TVP23C: variants seen among roughly 807,000 people sequenced by gnomAD.
The protein encoded by TVP23C is trans-golgi network vesicle protein 23 homolog C.
In TVP23C, 19 loss-of-function variants were observed where a neutral mutation model predicts 28.7. The ratio of observed to expected loss-of-function variants is 0.66; its 90% CI spans 0.46 to 0.97. The LOEUF is 0.97. Ranked by LOEUF, TVP23C falls within the 50% of genes least tolerant of loss-of-function variation. TVP23C has a pLI of 0.00. For missense variants in TVP23C, 186 were observed against 241.3 expected (o/e 0.77, Z 1.52); for synonymous variants, 68 against 81.7 (o/e 0.83, Z 0.90).
At chr17:15,559,729 T>G (rs2109103) in intron 1 of TVP23C, among the ~76,000 whole-genome samples, 12 of 144,570 alleles carry the variant, frequency 8.3e-5, no homozygotes, top group Admixed American at 3.6e-4. Flanking sequence ...CATTTTAAGG[T>G]AGAGCTGACA....
chr17:15,533,793 G>C (rs1983041000), downstream of TVP23C, among the ~76,000 whole-genome samples: 1 of 152,156 alleles, frequency 6.6e-6, no homozygotes, highest in Non-Finnish European at 1.5e-5. Context: ...TGGATTAAGT[G>C]CTTTCAGAAA....
chr17:15,551,234 G>C (rs973810490), intron 3 of TVP23C, among the ~76,000 whole-genome samples: 1 of 151,284 alleles, frequency 6.6e-6, no homozygotes, highest in African/African-American at 2.4e-5. Context: ...GAATAGCTGG[G>C]ACTACAGGCG....
chr17:15,530,067 G>A (rs1982890987), intron 5 of TVP23C, among the ~76,000 whole-genome samples: 1 of 152,126 alleles, frequency 6.6e-6, no homozygotes, highest in Non-Finnish European at 1.5e-5. Context: ...CCAAAGTGCT[G>A]GGATTACAGG....
At chr17:15,517,171 C>G (rs549192697) in intron 5 of TVP23C, among the ~76,000 whole-genome samples, 36 of 152,284 alleles carry the variant, frequency 2.4e-4, no homozygotes, top group African/African-American at 4.1e-4. Flanking sequence ...GGCTGTCTAC[C>G]CTTTCCGCCT....
chr17:15,563,233 G>C (rs924670116), intron 1 of TVP23C: 59 of 934,978 alleles, frequency 6.3e-5, no homozygotes, highest in Admixed American at 2.7e-4. Context: ...CTTGCTCTGC[G>C]CCGCACGGGT....
chr17:15,548,100 ATTTT>A (rs937389768), intron 3 of TVP23C, among the ~76,000 whole-genome samples: 2 of 151,664 alleles, frequency 1.3e-5, no homozygotes, highest in Non-Finnish European at 2.9e-5. Context: ...AATCACAGGC[ATTTT>A]TTTATTTTGT....
chr17:15,544,642 C>T (rs927970611), intron 5 of TVP23C, among the ~76,000 whole-genome samples: 7 of 151,926 alleles, frequency 4.6e-5, no homozygotes, highest in African/African-American at 1.5e-4. Flanking sequence ...ACCATATTAG[C>T]GTAAAGTTTC....
chr17:15,549,287 T>A (rs1284662411), intron 3 of TVP23C, among the ~76,000 whole-genome samples: 1 of 152,132 alleles, frequency 6.6e-6, no homozygotes, highest in Non-Finnish European at 1.5e-5. Context: ...GGTCATTAAT[T>A]GGATATGGAG....
intron 4 of TVP23C, among the ~76,000 whole-genome samples, 169 bp downstream of exon 4, chr17:15,546,890 C>G (rs974270624): frequency 2.6e-5 from 4 of 151,820 alleles, no homozygotes; most frequent in African/African-American, 9.7e-5. Context: ...CTGGTCTGAA[C>G]TAGACAGAAA....
At chr17:15,553,635 C>T (rs1597545600) in intron 3 of TVP23C, 50 bp downstream of exon 3, 35 of 1,540,518 alleles carry the variant, frequency 2.3e-5, no homozygotes, top group Non-Finnish European at 2.9e-5. Context: ...TATTTTTATA[C>T]ATCATTTTCA....
At chr17:15,557,501 G>A (rs142768258) in intron 1 of TVP23C, among the ~76,000 whole-genome samples, 13,172 of 148,246 alleles carry the variant, frequency 0.089, 1,361 homozygotes, top group African/African-American at 0.13. Context: ...GTCTCACCAC[G>A]TTGGCCAGGC....
At chr17:15,547,941 T>G (rs953121968) in intron 3 of TVP23C, among the ~76,000 whole-genome samples, 1 of 152,166 alleles carries the variant, frequency 6.6e-6, no homozygotes, top group African/African-American at 2.4e-5. Flanking sequence ...ACTAATAGAT[T>G]CAGTGGTTCT....
chr17:15,546,824 A>G (rs538255048), intron 4 of TVP23C, among the ~76,000 whole-genome samples: 1,749 of 151,730 alleles, frequency 0.012, 46 homozygotes, highest in African/African-American at 0.041. Context: ...AGCACACTGT[A>G]TGAACTCAGA....
exon 6 of TVP23C, chr17:15,502,763 C>T (rs533894102): frequency 1.4e-6 from 2 of 1,408,138 alleles, no homozygotes; most frequent in Non-Finnish European, 1.9e-6. Context: ...TCTTTCTCTC[C>T]TTCTCCGTCA....
intron 2 of TVP23C, among the ~76,000 whole-genome samples, chr17:15,554,990 T>C (rs555774587): frequency 1.3e-5 from 2 of 152,358 alleles, no homozygotes; most frequent in African/African-American, 4.8e-5. Context: ...ATGTAAAGTA[T>C]CTACAGAAAC....
At chr17:15,507,236 G>T in intron 5 of TVP23C, 1 of 735,284 alleles carries the variant, frequency 1.4e-6, no homozygotes. Context: ...ATGGGAAGCA[G>T]GTGGTCTCTG....
chr17:15,505,192 A>G (rs1255149336), intron 5 of TVP23C, among the ~76,000 whole-genome samples: 1 of 152,164 alleles, frequency 6.6e-6, no homozygotes, highest in African/African-American at 2.4e-5. Flanking sequence ...AAACAAAACA[A>G]CAACAACAAA....
intron 5 of TVP23C, among the ~76,000 whole-genome samples, chr17:15,519,289 C>G (rs1405181863): frequency 6.6e-6 from 1 of 152,106 alleles, no homozygotes; most frequent in African/African-American, 2.4e-5. Context: ...AGAAAAGACA[C>G]ACAGAGGTGA....
chr17:15,525,509 CA>C (rs1434751884), intron 5 of TVP23C, among the ~76,000 whole-genome samples: 1 of 152,202 alleles, frequency 6.6e-6, no homozygotes, highest in Non-Finnish European at 1.5e-5. Flanking sequence ...GCCTTATGAA[CA>C]AAACTAAGAT....
Sources: allele counts gnomAD v4.1 joint callset (sites outside exome capture counted in the v4.1 genomes callset), GRCh38; gene constraint gnomAD v4.1.1; transcripts MANE v1.5; gene names NCBI Gene and HGNC (gene_info 2026-07-23, HGNC 2026-07-21).